ZNF140: variants seen among roughly 807,000 people sequenced by gnomAD.
The protein encoded by ZNF140 is zinc finger protein 140.
ZNF140 carries 13 observed loss-of-function variants against 12.9 expected under a neutral mutation model. That is an observed-to-expected ratio of 1.01 (90% CI 0.66 to 1.60). ZNF140 has a LOEUF of 1.60. ZNF140 is among the 40% of genes most tolerant of loss of function. The pLI is 0.00. For synonymous variants in ZNF140, 214 were observed against 186.7 expected, an observed-to-expected ratio of 1.15 and a Z score of -1.19; for missense variants, 531 against 548.8, an observed-to-expected ratio of 0.97 and a Z score of 0.32.
chr12:133,092,903 G>A (rs1954941851), intron 4 of ZNF140, among the ~76,000 whole-genome samples: 1 of 151,144 alleles, frequency 6.6e-6, no homozygotes, highest in African/African-American at 2.5e-5. Context: ...TGGGTCTTTT[G>A]ATTCTTTTGG....
chr12:133,100,878 G>T, intron 4 of ZNF140: 2 of 356,618 alleles, frequency 5.6e-6, no homozygotes, highest in Non-Finnish European at 1.1e-5. Flanking sequence ...CATTCGGGGT[G>T]GGGTGGAGCA....
intron 4 of ZNF140, among the ~76,000 whole-genome samples, chr12:133,104,542 G>A (rs577638301): frequency 1.1e-4 from 16 of 151,950 alleles, no homozygotes; most frequent in African/African-American, 3.1e-4. Flanking sequence ...TAGTAGAGAC[G>A]GGGTTTCACT....
chr12:133,097,110 CT>C (rs1955157143), intron 4 of ZNF140, among the ~76,000 whole-genome samples: 2 of 152,178 alleles, frequency 1.3e-5, no homozygotes, highest in Non-Finnish European at 2.9e-5. Flanking sequence ...TTATGCAATG[CT>C]CTTCTTTAAC....
At chr12:133,102,463 T>C (rs981169611) in intron 4 of ZNF140, among the ~76,000 whole-genome samples, 2 of 152,148 alleles carry the variant, frequency 1.3e-5, no homozygotes, top group East Asian at 1.9e-4. Flanking sequence ...TGGTGGCTCA[T>C]GTCTGTAATC....
At chr12:133,099,430 G>A (rs899499070) in intron 4 of ZNF140, among the ~76,000 whole-genome samples, 1 of 152,194 alleles carries the variant, frequency 6.6e-6, no homozygotes, top group Non-Finnish European at 1.5e-5. Flanking sequence ...GCCGGCCTTA[G>A]CCTTCCAAAG....
At position 133,106,387 on chromosome 12, in the gene ZNF140, A is replaced by G. The variant is rs759801516; in HGVS notation, c.1110A>G (p.Ala370=). ...DECGKVFTWH[A]SLIQHTKSHT... is the part of the protein sequence containing the mutation. ...GTGGTAAAGTTTTCACTTGGCATGC[A>G]TCCCTTATTCAACATACGAAGAGTC... The change falls in exon 5 of 5, where the codon GCA becomes GCG. Residue 370 remains alanine (A), a synonymous_variant. Coordinates refer to ENST00000355557, the MANE Select transcript of ZNF140 (RefSeq NM_003440.4). 6 of 1,614,182 alleles carry G rather than the reference A, an allele frequency of 3.7e-6. No individual in the cohort carries two copies. The Admixed American group carries it at 1.0e-4, about 27-fold the overall frequency.
Position 133,106,682 on chromosome 12 carries a change from A to G in ZNF140, c.*31A>G. 1.3e-6 allele frequency: 2 copies of G among 1,511,724 alleles called. No homozygotes were observed. Among genetic ancestry groups the G allele is most frequent in the South Asian group, 1.3e-5 (1 of 75,400 alleles). 93.6% of individuals were successfully genotyped at this position (1,511,724 alleles called of 1,614,324 possible). On this transcript the variant is annotated 3_prime_UTR_variant, in exon 5 of 5. Transcript: ENST00000355557. ...CACTGCAAAGAAAAACTATGAATGT[A>G]TGGAATTTTTTAAAAAGAAGTATAA... is the stretch of plus-strand genomic sequence containing the variant.
chr12:133,095,991 A>G (rs868633439), intron 4 of ZNF140, among the ~76,000 whole-genome samples: 2 of 149,598 alleles, frequency 1.3e-5, no homozygotes, highest in African/African-American at 2.4e-5. Context: ...GCCTTCCTCT[A>G]TCTCAACTGC....
At chr12:133,084,860 A>C (rs1368192556) in intron 4 of ZNF140, among the ~76,000 whole-genome samples, 2 of 152,210 alleles carry the variant, frequency 1.3e-5, no homozygotes, top group African/African-American at 4.8e-5. Flanking sequence ...GGAGGTACTA[A>C]TGTGGGCTGA....
chr12:133,081,599 G>T (rs1490662361), intron 2 of ZNF140: 2 of 454,062 alleles, frequency 4.4e-6, no homozygotes, highest in African/African-American at 2.0e-5. Context: ...CCTGTCCCTT[G>T]TTCCTCCTTT....
chr12:133,100,472 G>A (rs1955307925), intron 4 of ZNF140, among the ~76,000 whole-genome samples: 5 of 152,216 alleles, frequency 3.3e-5, no homozygotes, highest in Admixed American at 2.0e-4. Context: ...CACCTTGCCT[G>A]GCCCTTTTAC....
intron 4 of ZNF140, chr12:133,084,326 A>G: frequency 9.5e-6 from 3 of 316,366 alleles, no homozygotes; most frequent in East Asian, 9.9e-5. Flanking sequence ...ATTGATATTT[A>G]TTTATTCCTT....
chr12:133,085,587 G>T (rs1280774766), intron 4 of ZNF140, among the ~76,000 whole-genome samples: 2 of 152,154 alleles, frequency 1.3e-5, no homozygotes, highest in African/African-American at 2.4e-5. Flanking sequence ...TTATGGTAAA[G>T]TAGCTTCCTT....
chr12:133,099,633 A>G (rs1329072797), intron 4 of ZNF140, among the ~76,000 whole-genome samples: 1 of 152,172 alleles, frequency 6.6e-6, no homozygotes, highest in Non-Finnish European at 1.5e-5. Context: ...CTCTAGTGAA[A>G]TATAATCCCA....
rs1954742458 is a variant in ZNF140, at chr12:133,088,193, T to C, written c.232+4632T>C. ...GGAAGGAAGGAAGGCTCTAAATCTT[T>C]CTAGATTTTTTCCTGCAAATACCAT... On this transcript the variant is annotated intron_variant, in intron 4 of 4. Transcript: ENST00000355557. 3.9e-5 allele frequency among the ~76,000 whole-genome samples: 6 copies of C among 152,198 alleles called. No homozygotes were observed. The South Asian group carries it at 1.2e-3, about 32-fold the overall frequency.
At chr12:133,101,674 A>C (rs2137569770) in intron 4 of ZNF140, among the ~76,000 whole-genome samples, 1 of 152,232 alleles carries the variant, frequency 6.6e-6, no homozygotes, top group Non-Finnish European at 1.5e-5. Flanking sequence ...TGATCTCCTG[A>C]CCTTGTGATC....
intron 4 of ZNF140, among the ~76,000 whole-genome samples, chr12:133,103,378 T>A (rs1000572330): frequency 2.0e-5 from 3 of 152,150 alleles, no homozygotes; most frequent in Non-Finnish European, 4.4e-5. Flanking sequence ...TCCAGGTCAC[T>A]CTGTCAAGTA....
At chr12:133,085,520 G>C (rs2137491261) in intron 4 of ZNF140, among the ~76,000 whole-genome samples, 1 of 152,222 alleles carries the variant, frequency 6.6e-6, no homozygotes, top group South Asian at 2.1e-4. Context: ...TAGGTTCCTT[G>C]AGAGCCTTCT....
At chr12:133,098,175 T>G (rs1225314760) in intron 4 of ZNF140, among the ~76,000 whole-genome samples, 1 of 152,152 alleles carries the variant, frequency 6.6e-6, no homozygotes, top group Non-Finnish European at 1.5e-5. Flanking sequence ...TGATTTCATT[T>G]TCTCTTCTTT....
Sources: allele counts gnomAD v4.1 joint callset (sites outside exome capture counted in the v4.1 genomes callset), GRCh38; gene constraint gnomAD v4.1.1; transcripts MANE v1.5; gene names NCBI Gene and HGNC (gene_info 2026-07-23, HGNC 2026-07-21).